Variants in NPAS3 observed in about 807,000 individuals in gnomAD.
NPAS3 encodes neuronal PAS domain protein 3, also known as neuronal PAS domain-containing protein 3.
In NPAS3, 14 loss-of-function variants were observed where a neutral mutation model predicts 73.1. The observed-to-expected ratio is 0.19, with a 90% CI of 0.13 to 0.30. The LOEUF is 0.30. NPAS3 is among the 10% of genes least tolerant of loss of function. The pLI, the probability that NPAS3 is intolerant of heterozygous loss-of-function variation, is 1.00. For missense variants in NPAS3, 1,096 were observed against 1,250.0 expected (o/e 0.88, Z 1.86); for synonymous variants, 620 against 541.5 (o/e 1.14, Z -2.01).
chr14:33,637,916 C>G (rs969380705), intron 5 of NPAS3, among the ~76,000 whole-genome samples: 1 of 152,200 alleles, frequency 6.6e-6, no homozygotes, highest in Non-Finnish European at 1.5e-5. Context: ...CACAAAGGAG[C>G]TGGGCTTTAC....
intron 3 of NPAS3, among the ~76,000 whole-genome samples, chr14:33,308,471 G>C (rs985886684): frequency 4.7e-5 from 7 of 147,596 alleles, no homozygotes; most frequent in African/African-American, 1.8e-4. Flanking sequence ...TTGGAAATTT[G>C]AAAATAGCCA....
At chr14:33,382,281 C>T (rs145224404) in intron 4 of NPAS3, among the ~76,000 whole-genome samples, 2 of 152,126 alleles carry the variant, frequency 1.3e-5, no homozygotes, top group Admixed American at 1.3e-4. Context: ...TGACACCTCC[C>T]GTTAACCTTG....
chr14:33,800,738 G>C lies in NPAS3; in HGVS notation c.2431G>C (p.Gly811Arg). Reference sequence around the variant, plus strand: ...GCTCCCGCTGGTGCACAGGGTGACCGGGACCCTGGCCGCCACCAGCACGGC... The same window carrying C: ...GCTCCCGCTGGTGCACAGGGTGACCCGGACCCTGGCCGCCACCAGCACGGC... Residue 811 changes from glycine to arginine, a missense_variant, in exon 12 of 12, where the codon GGG (glycine) becomes CGG (arginine). Physicochemically the swap from Gly to Arg is moderately radical, Grantham distance 125. Coordinates refer to ENST00000356141, the Ensembl canonical transcript of NPAS3. This position sits in a 1 kb window ranked among gnomAD's most constrained non-coding sequence, Gnocchi z 6.5. 1.3e-6 allele frequency: 2 copies of C among 1,557,832 alleles called. No homozygotes were observed. Among genetic ancestry groups the C allele is most frequent in the Non-Finnish European group, 8.7e-7 (1 of 1,153,444 alleles).
rs59258926 is a variant in NPAS3 at position 33,363,949 on chromosome 14, T to TGTGTTG, written c.386-3237_386-3236insGTGTTG. On this transcript the variant is annotated intron_variant, in intron 3 of 11. Coordinates refer to ENST00000356141, the Ensembl canonical transcript of NPAS3. The stretch of plus-strand genomic sequence containing the variant: ...GTGTGTGTGTGTGTGTGTGTGTGTG[T>TGTGTTG]TGTGTGTGTGTGTATAGGTTAATTT... 6.5e-5 allele frequency among the ~76,000 whole-genome samples: 3 copies of TGTGTTG among 46,106 alleles called. No homozygotes were observed. The Admixed American group carries it at 6.8e-4, about 10-fold the overall frequency. The allele number at this position is 46,106 out of a possible 152,430, so 30.2% of individuals were successfully genotyped here.
chr14:33,271,468 G>C (rs2041078416), intron 3 of NPAS3, among the ~76,000 whole-genome samples: 1 of 152,094 alleles, frequency 6.6e-6, no homozygotes, highest in African/African-American at 2.4e-5. Context: ...GGAGAGGCCA[G>C]AGACAAGAGA....
chr14:33,689,455 C>T (rs1195371515), intron 6 of NPAS3, among the ~76,000 whole-genome samples: 2 of 152,028 alleles, frequency 1.3e-5, no homozygotes, highest in Non-Finnish European at 2.9e-5. Context: ...GAAAGGGTGG[C>T]CAGGGGTTAG....
intron 2 of NPAS3, among the ~76,000 whole-genome samples, chr14:33,189,875 G>A (rs2046108232): frequency 1.3e-5 from 2 of 152,004 alleles, no homozygotes; most frequent in African/African-American, 2.4e-5. Flanking sequence ...TTTCATTATC[G>A]ATACATATAA....
At chr14:33,295,628 T>C (rs368867713) in intron 3 of NPAS3, among the ~76,000 whole-genome samples, 23 of 152,332 alleles carry the variant, frequency 1.5e-4, no homozygotes, top group African/African-American at 5.5e-4. Flanking sequence ...TCTAAGTGAG[T>C]ATCGCTCCCT....
chr14:33,220,980 T>A (rs963703555), intron 3 of NPAS3, among the ~76,000 whole-genome samples: 4 of 152,136 alleles, frequency 2.6e-5, no homozygotes, highest in African/African-American at 9.7e-5. Flanking sequence ...AATCACAACA[T>A]CTAAGTGGCA....
chr14:33,270,668 C>G (rs2041031343), intron 3 of NPAS3, among the ~76,000 whole-genome samples: 2 of 152,220 alleles, frequency 1.3e-5, no homozygotes, highest in African/African-American at 4.8e-5. Context: ...CATGTTTTCC[C>G]TCTGGAAGAT....
chr14:33,460,837 G>C (rs1403756291), intron 4 of NPAS3, among the ~76,000 whole-genome samples: 2 of 152,168 alleles, frequency 1.3e-5, no homozygotes, highest in African/African-American at 4.8e-5. Context: ...AAAAACCAGA[G>C]AGTGGGTCCA....
chr14:33,182,305 T>C (rs1239350035), intron 2 of NPAS3, among the ~76,000 whole-genome samples: 1 of 152,226 alleles, frequency 6.6e-6, no homozygotes, highest in Non-Finnish European at 1.5e-5. Flanking sequence ...TAGTATGAAA[T>C]ACATAAGTAG....
chr14:33,612,442 G>T (rs1010418999), intron 5 of NPAS3: 1 of 455,854 alleles, frequency 2.2e-6, no homozygotes, highest in Non-Finnish European at 4.4e-6. Flanking sequence ...TCACATCGAC[G>T]TCCAAGCAGA....
At chr14:33,230,447 A>G (rs1566703135) in intron 3 of NPAS3, among the ~76,000 whole-genome samples, 1 of 152,214 alleles carries the variant, frequency 6.6e-6, no homozygotes. Context: ...CCTTGGAAAG[A>G]ACACTCAAAC....
At chr14:33,292,612 A>G (rs79968580) in intron 3 of NPAS3, among the ~76,000 whole-genome samples, 8,889 of 152,100 alleles carry the variant, frequency 0.058, 266 homozygotes, top group East Asian at 0.14. Flanking sequence ...TTCAGTTTTT[A>G]TTTTTTGTTA....
At chr14:33,441,929 C>G (rs1316344059) in intron 4 of NPAS3, among the ~76,000 whole-genome samples, 1 of 152,152 alleles carries the variant, frequency 6.6e-6, no homozygotes, top group Non-Finnish European at 1.5e-5. Flanking sequence ...TACCTCCCCC[C>G]AGGTTCCTCC....
intron 2 of NPAS3, among the ~76,000 whole-genome samples, chr14:33,133,315 A>G (rs918384493): frequency 1.3e-5 from 2 of 152,170 alleles, no homozygotes; most frequent in African/African-American, 4.8e-5. Flanking sequence ...GACAGTTATG[A>G]AGGGATTTAG....
chr14:33,197,263 G>GTGTGTGTGTGTGTC (rs1223821235), intron 2 of NPAS3, among the ~76,000 whole-genome samples: 1 of 149,660 alleles, frequency 6.7e-6, no homozygotes, highest in East Asian at 2.0e-4. Context: ...GTGTGTGTGT[G>GTGTGTGTGTGTGTC]TGTGTTCTTT....
At chr14:33,690,090 C>T (rs934582017) in intron 6 of NPAS3, among the ~76,000 whole-genome samples, 1 of 152,146 alleles carries the variant, frequency 6.6e-6, no homozygotes. Flanking sequence ...GGGTTATGTA[C>T]CCTGAAAGAC....
Sources: gnomAD v4.1 joint callset for allele counts (sites outside exome capture counted in the v4.1 genomes callset) on GRCh38, gnomAD v4.1.1 for gene constraint, Gnocchi (gnomAD v3.1) non-coding constraint, MANE v1.5 for transcripts, NCBI Gene and HGNC (gene_info 2026-07-23, HGNC 2026-07-21) for gene names.